Variants in NEDD9 observed in about 807,000 individuals in gnomAD.
NEDD9 encodes neural precursor cell expressed, developmentally down-regulated 9.
In NEDD9, 26 loss-of-function variants were observed where a neutral mutation model predicts 76.6. The ratio of observed to expected loss-of-function variants is 0.34; its 90% CI spans 0.25 to 0.47. NEDD9 has a LOEUF of 0.47. NEDD9 is among the 20% of genes least tolerant of loss of function. NEDD9 has a pLI of 1.00. For missense variants in NEDD9, 937 were observed against 1,058.5 expected, an observed-to-expected ratio of 0.89 and a Z score of 1.59; for synonymous variants, 392 against 414.2, an observed-to-expected ratio of 0.95 and a Z score of 0.65.
chr6:11,275,565 C>CACACATATATAT (rs551632582), intron 3 of NEDD9, among the ~76,000 whole-genome samples: 57 of 150,288 alleles, frequency 3.8e-4, no homozygotes, highest in Middle Eastern at 3.4e-3. Context: ...CACACACACA[C>CACACATATATAT]ATATATATAT....
intron 3 of NEDD9, among the ~76,000 whole-genome samples, chr6:11,291,249 G>A (rs1056212630): frequency 2.6e-5 from 4 of 151,418 alleles, no homozygotes; most frequent in South Asian, 2.1e-4. Flanking sequence ...GCAGAGCACA[G>A]GGCAGAAATA....
At position 11,213,046 on chromosome 6, in the gene NEDD9, AG is replaced by A. The variant is rs1205315857; in HGVS notation, c.459+234del. 6.6e-6 allele frequency among the ~76,000 whole-genome samples: 1 copy of A among 152,228 alleles called. No homozygotes were observed. The highest frequency in any genetic ancestry group is 6.5e-5 in the Admixed American group (1 of 15,290). ...TAACCCATGTAACCCAGGATGACACAGGAACTTAGGAGGGCTGGAAATCAAC... is the reference window on the plus strand; with the variant it reads ...TAACCCATGTAACCCAGGATGACACAGAACTTAGGAGGGCTGGAAATCAAC... On this transcript the variant is annotated intron_variant, in intron 2 of 6. Transcript: ENST00000379446. The surrounding 1 kb of genome is among the most constrained non-coding windows in gnomAD (Gnocchi z 5.4).
intron 3 of NEDD9, among the ~76,000 whole-genome samples, chr6:11,246,073 A>G (rs1333231040): frequency 1.3e-5 from 2 of 151,850 alleles, no homozygotes; most frequent in African/African-American, 2.4e-5. Flanking sequence ...GCGGGCAGGG[A>G]TGGGGATGGA....
At chr6:11,296,973 C>A (rs1291656732) in intron 3 of NEDD9, among the ~76,000 whole-genome samples, 1 of 152,208 alleles carries the variant, frequency 6.6e-6, no homozygotes, top group East Asian at 1.9e-4. Context: ...AGGCGGTCCA[C>A]CCACCTCGGC....
intron 1 of NEDD9, among the ~76,000 whole-genome samples, chr6:11,346,653 G>T (rs997817293): frequency 2.6e-5 from 4 of 152,164 alleles, no homozygotes; most frequent in Non-Finnish European, 5.9e-5. Flanking sequence ...GGGCTGGGGA[G>T]GACTGGAGTT....
chr6:11,319,227 T>A (rs1259419049), intron 2 of NEDD9, among the ~76,000 whole-genome samples: 1 of 152,236 alleles, frequency 6.6e-6, no homozygotes, highest in African/African-American at 2.4e-5. Context: ...TGTTCACAGC[T>A]GCCTGGCCCA....
chr6:11,257,075 T>C (rs1760017142), intron 3 of NEDD9, among the ~76,000 whole-genome samples: 2 of 152,220 alleles, frequency 1.3e-5, no homozygotes, highest in Admixed American at 6.5e-5. Flanking sequence ...AGTATGGCCA[T>C]TGGACTCTTG....
Position 11,190,454 on chromosome 6 carries a change from T to C in NEDD9, c.1415A>G (p.Asn472Ser). Reference protein sequence around the residue: ...YLHFVKGAVANAACLPELILH... With the variant: ...YLHFVKGAVASAACLPELILH... ...GATGAGTTCCGGGAGGCAGGCAGCATTTGCAACAGCTCCCTTGACAAAGTG... is the reference window on the plus strand; with the variant it reads ...GATGAGTTCCGGGAGGCAGGCAGCACTTGCAACAGCTCCCTTGACAAAGTG... The change falls in exon 5 of 7, where the codon AAT becomes AGT. Residue 472 changes from asparagine to serine, a missense_variant. Coordinates refer to ENST00000379446, the MANE Select transcript of NEDD9 (RefSeq NM_006403.4). The surrounding 1 kb of genome is among the most constrained non-coding windows in gnomAD (Gnocchi z 5.8). 1 of 1,614,168 alleles carries C rather than the reference T, an allele frequency of 6.2e-7. No individual in the cohort carries two copies.
chr6:11,232,537 C>T lies in NEDD9; in HGVS notation c.-22G>A, dbSNP rs756016462. 2.0e-5 allele frequency: 33 copies of T among 1,614,064 alleles called. No homozygotes were observed. In the East Asian group the frequency reaches 4.9e-4, roughly 24 times the overall value. On this transcript the variant is annotated 5_prime_UTR_variant, in exon 1 of 7. Coordinates refer to ENST00000379446, the MANE Select transcript of NEDD9 (RefSeq NM_006403.4). ...TCATTTCGGCAGCGGTGGGTTGAGCCGTTTTCCTACACTAGTTAAGACAGC... is the reference window on the plus strand; with the variant it reads ...TCATTTCGGCAGCGGTGGGTTGAGCTGTTTTCCTACACTAGTTAAGACAGC...
At chr6:11,361,167 G>A (rs1762674439) in intron 1 of NEDD9, among the ~76,000 whole-genome samples, 1 of 152,238 alleles carries the variant, frequency 6.6e-6, no homozygotes, top group Non-Finnish European at 1.5e-5. Flanking sequence ...GGACAGCTGT[G>A]TGCTCAGACA....
chr6:11,191,714 G>C (rs1258261142), intron 4 of NEDD9, among the ~76,000 whole-genome samples: 1 of 152,182 alleles, frequency 6.6e-6, no homozygotes, highest in Non-Finnish European at 1.5e-5. Flanking sequence ...TGAGGAAACT[G>C]TCAAACCCTC....
chr6:11,310,560 G>A lies in NEDD9; in HGVS notation c.-152-4405C>T, dbSNP rs975679859. Among the ~76,000 whole-genome samples the A allele has an allele frequency of 1.3e-5, 2 of 152,020 alleles. 1 individual carries two copies. Among genetic ancestry groups the A allele is most frequent in the Admixed American group, 1.3e-4 (2 of 15,258 alleles). ...CAATGCCATCTAGACCCTTGTTACT[G>A]TCAGGCAGCCTTCTGTAGTTCCCTG... On this transcript the variant is annotated intron_variant, in intron 2 of 3. Coordinates refer to the NEDD9 transcript ENST00000397378.
upstream of NEDD9, chr6:11,232,707 C>G (rs1053129392): frequency 2.2e-5 from 31 of 1,438,648 alleles, no homozygotes; most frequent in Non-Finnish European, 2.8e-5. Flanking sequence ...GATCGCGGAC[C>G]TCATTTGCAT....
intron 2 of NEDD9, among the ~76,000 whole-genome samples, chr6:11,202,474 T>G (rs1758479396): frequency 6.6e-6 from 1 of 152,226 alleles, no homozygotes; most frequent in Non-Finnish European, 1.5e-5. Context: ...CCATTATCAC[T>G]GCCTGCCCAT....
chr6:11,256,126 A>G (rs1052368839), intron 3 of NEDD9, among the ~76,000 whole-genome samples: 3 of 152,164 alleles, frequency 2.0e-5, no homozygotes, highest in African/African-American at 7.2e-5. Context: ...ACTGAACAAC[A>G]GCAACTCTCT....
Position 11,342,913 on chromosome 6 carries a change from A to G in NEDD9, c.-213-8352T>C, listed in dbSNP as rs950479001. On this transcript the variant is annotated intron_variant, in intron 1 of 3. Transcript: ENST00000397378. ...ATTCTAGGACAGGAAAAACTAACCT[A>G]TAATGATGTAAATAGTATCTGTGGT... 8.5e-5 allele frequency among the ~76,000 whole-genome samples: 13 copies of G among 152,250 alleles called. 1 individual carries two copies. The highest frequency in any genetic ancestry group is 3.8e-4 in the East Asian group (2 of 5,200).
Position 11,190,176 on chromosome 6 carries a change from G to T in NEDD9, c.1693C>A (p.His565Asn). 6.2e-7 allele frequency: 1 copy of T among 1,614,188 alleles called. No individual in the cohort carries two copies. Among genetic ancestry groups the T allele is most frequent in the Non-Finnish European group, 8.5e-7 (1 of 1,180,034 alleles). ...ALFRPGPGSL[H>N]LKNGPESIMN... ...ATGCTCTCCGGCCCATTCTTCAGAT[G>T]CAAGCTGCCAGGGCCGGGTCTGAAG... Residue 565 changes from histidine to asparagine, a missense_variant, in exon 5 of 7, where the codon CAT (histidine) becomes AAT (asparagine). His to Asn is a moderately conservative substitution (Grantham distance 68). Coordinates refer to ENST00000379446, the MANE Select transcript of NEDD9 (RefSeq NM_006403.4). The surrounding 1 kb of genome is among the most constrained non-coding windows in gnomAD (Gnocchi z 5.8).
At position 11,190,949 on chromosome 6, in the gene NEDD9, C is replaced by CCGAGTTG. The variant is rs1758125602; in HGVS notation, c.913_919dup (p.Gly307AlafsTer14). The CCGAGTTG allele has an allele frequency of 6.2e-7, 1 of 1,614,090 alleles. No homozygotes were observed. On this transcript the variant is annotated frameshift_variant, in exon 5 of 7. Coordinates refer to ENST00000379446, the MANE Select transcript of NEDD9 (RefSeq NM_006403.4). LOFTEE classifies it high-confidence loss of function. The surrounding 1 kb of genome is among the most constrained non-coding windows in gnomAD (Gnocchi z 5.8). Reference sequence around the variant, plus strand: ...GTCGTTCTGAGAGCCCACTGACTGTCCGAGTTGCGGGGGTGGGTGATTCGG... The same window carrying CCGAGTTG: ...GTCGTTCTGAGAGCCCACTGACTGTCCGAGTTGCGAGTTGCGGGGGTGGGTGATTCGG...
At chr6:11,354,748 A>G (rs1185676873) in intron 1 of NEDD9, among the ~76,000 whole-genome samples, 1 of 152,206 alleles carries the variant, frequency 6.6e-6, no homozygotes. Flanking sequence ...CAGTCTGGAC[A>G]ATCAGAGTAT....
Sources: allele counts gnomAD v4.1 joint callset (sites outside exome capture counted in the v4.1 genomes callset), GRCh38; gene constraint gnomAD v4.1.1; non-coding constraint Gnocchi (gnomAD v3.1); transcripts MANE v1.5; gene names NCBI Gene and HGNC (gene_info 2026-07-23, HGNC 2026-07-21).